CASP8: variants seen among roughly 807,000 people sequenced by gnomAD.
CASP8 encodes caspase-8.
A neutral mutation model predicts 46.3 loss-of-function variants in CASP8; 24 were observed. The ratio of observed to expected loss-of-function variants is 0.52; its 90% confidence interval spans 0.38 to 0.73. The LOEUF (loss-of-function observed/expected upper bound fraction) is 0.73, where lower values mean the gene tolerates loss of function less well. CASP8 is among the 30% of genes least tolerant of loss of function. The pLI, the probability that CASP8 is intolerant of heterozygous loss-of-function variation, is 0.00. For synonymous variants in CASP8, 188 were observed against 200.4 expected (o/e 0.94, Z 0.52); for missense variants, 460 against 559.0 (o/e 0.82, Z 1.79).
chr2:201,286,772 C>A lies in CASP8; in HGVS notation c.*178C>A. On this transcript the variant is annotated 3_prime_UTR_variant, in exon 9 of 9. Transcript: ENST00000673742. ...CTGGGACTACAGGGGCCCGCCACCA[C>A]ACCTGGCTAATTTTTTAAAAATATT... 1 of 534,740 alleles carries A rather than the reference C, an allele frequency of 1.9e-6. No homozygotes were observed. The highest frequency in any genetic ancestry group is 3.4e-6 in the Non-Finnish European group (1 of 296,584). 33.1% of individuals were successfully genotyped at this position (534,740 alleles called of 1,614,324 possible). A position where few individuals can be genotyped will look rare whatever the true frequency, so the allele number is the denominator to read the frequency against.
intron 2 of CASP8, among the ~76,000 whole-genome samples, chr2:201,243,122 A>C (rs1946371892): frequency 6.6e-6 from 1 of 152,176 alleles, no homozygotes; most frequent in Non-Finnish European, 1.5e-5. Context: ...GTTTTAGTTA[A>C]GCAAGATGAG....
chr2:201,259,449 TAC>T (rs1947231790), upstream of CASP8, among the ~76,000 whole-genome samples: 1 of 152,196 alleles, frequency 6.6e-6, no homozygotes, highest in Non-Finnish European at 1.5e-5. Flanking sequence ...GTGCTAGGAT[TAC>T]ATGCATGAGC....
Position 201,271,955 on chromosome 2 carries a change from C to G in CASP8, c.411+334C>G, listed in dbSNP as rs1043261553. 3.9e-5 allele frequency among the ~76,000 whole-genome samples: 6 copies of G among 152,220 alleles called. No homozygotes were observed. In the East Asian group the frequency reaches 9.6e-4, roughly 24 times the overall value. On this transcript the variant is annotated intron_variant, in intron 3 of 8. Coordinates refer to ENST00000673742, the MANE Select transcript of CASP8 (RefSeq NM_001372051.1). ...CCGAAACAACCTGGGACCTGAAACT[C>G]TGTGTGTATATTGTGTCTGTGTGTT...
chr2:201,285,741 C>T (rs1949528863), intron 8 of CASP8, among the ~76,000 whole-genome samples: 1 of 152,202 alleles, frequency 6.6e-6, no homozygotes, highest in East Asian at 1.9e-4. Context: ...AAGGCAGTAA[C>T]CCAATTCAAT....
At position 201,247,939 on chromosome 2, in the gene CASP8, C is replaced by A. The variant is rs144352072; in HGVS notation, c.-27+13827C>A. ...GATTACAGGCGTGAGCCACTGCGCC[C>A]GGCCAACTTTTGTATTTTTAGTAGA... On this transcript the variant is annotated intron_variant, in intron 2 of 6. Coordinates refer to the CASP8 transcript ENST00000264274. Among the ~76,000 whole-genome samples, 301 of 152,166 alleles carry A rather than the reference C, an allele frequency of 2.0e-3. 1 individual carries two copies. The highest frequency in any genetic ancestry group is 5.9e-3 in the African/African-American group (247 of 41,530).
At chr2:201,281,359 CT>C (rs376126759) in intron 7 of CASP8, among the ~76,000 whole-genome samples, 34 of 152,118 alleles carry the variant, frequency 2.2e-4, no homozygotes, top group African/African-American at 7.5e-4. Context: ...TCAACCAAAA[CT>C]TGTAAATAAT....
At chr2:201,247,793 C>T (rs528888621) in intron 2 of CASP8, among the ~76,000 whole-genome samples, 9 of 152,112 alleles carry the variant, frequency 5.9e-5, no homozygotes, top group South Asian at 2.1e-4. Flanking sequence ...TACAGGTGCC[C>T]GCCACCACAC....
chr2:201,276,926 C>T lies in CASP8; in HGVS notation c.760C>T (p.Leu254Phe), dbSNP rs766149222. ...FAKAREKVPK[L>F]HSIRDRNGTH... ...AAAAGCACGGGAGAAAGTGCCCAAA[C>T]TTCACAGCATTAGGGACAGGAATGG... The change falls in exon 7 of 9, where the codon CTT (leucine) becomes TTT (phenylalanine). Residue 254 changes from leucine (L) to phenylalanine (F), a missense_variant. Transcript: ENST00000673742. 5 of 1,614,012 alleles carry T rather than the reference C, an allele frequency of 3.1e-6. No homozygotes were observed. The South Asian group carries it at 5.5e-5, about 18-fold the overall frequency.
At chr2:201,244,506 A>G (rs927909639) in intron 2 of CASP8, among the ~76,000 whole-genome samples, 1 of 152,126 alleles carries the variant, frequency 6.6e-6, no homozygotes, top group Non-Finnish European at 1.5e-5. Flanking sequence ...TAAGGGTAGC[A>G]TCTTCCGACT....
chr2:201,286,946 G>T lies in CASP8; in HGVS notation c.*352G>T, dbSNP rs1249350221. On this transcript the variant is annotated 3_prime_UTR_variant, in exon 9 of 9. Coordinates refer to ENST00000673742, the MANE Select transcript of CASP8 (RefSeq NM_001372051.1). Reference sequence around the variant, plus strand: ...TGGTACTATTTAGATATAACACTATGTTTATTTACTAATTTTCTAGATTTT... The same window carrying T: ...TGGTACTATTTAGATATAACACTATTTTTATTTACTAATTTTCTAGATTTT... 2.2e-5 allele frequency: 5 copies of T among 232,240 alleles called. No individual in the cohort carries two copies. The highest frequency in any genetic ancestry group is 1.1e-4 in the East Asian group (1 of 9,426). 14.4% of individuals were successfully genotyped at this position (232,240 alleles called of 1,614,324 possible).
chr2:201,246,272 GTGT>G (rs1286003428), intron 2 of CASP8, among the ~76,000 whole-genome samples: 2 of 152,128 alleles, frequency 1.3e-5, no homozygotes, highest in South Asian at 2.1e-4. Context: ...ACAAAACAGG[GTGT>G]TGTTCCTGCC....
chr2:201,274,994 T>G (rs372597885), intron 6 of CASP8, 41 bp downstream of exon 6: 12 of 1,382,996 alleles, frequency 8.7e-6, no homozygotes, highest in African/African-American at 1.4e-5. Context: ...ACATTACAGA[T>G]TCTAGTTATT....
Position 201,276,869 on chromosome 2 carries a change from T to C in CASP8, c.703T>C (p.Tyr235His). The change falls in exon 7 of 9, where the codon TAC (tyrosine) becomes CAC (histidine). Residue 235 changes from tyrosine to histidine, a missense_variant. Physicochemically the swap from Tyr to His is moderately conservative, Grantham distance 83 (BLOSUM62 2). Transcript: ENST00000673742. ...VYQMKSKPRG[Y>H]CLIINNHNFA... ...CCAAATGAAAAGCAAACCTCGGGGATACTGTCTGATCATCAACAATCACAA... is the reference window on the plus strand; with the variant it reads ...CCAAATGAAAAGCAAACCTCGGGGACACTGTCTGATCATCAACAATCACAA... The C allele has an allele frequency of 6.2e-7, 1 of 1,614,130 alleles. No homozygotes were observed. Among genetic ancestry groups the C allele is most frequent in the Non-Finnish European group, 8.5e-7 (1 of 1,179,976 alleles).
At chr2:201,274,790 T>TA in intron 5 of CASP8, 99 bp from the exon 6 acceptor site, 1 of 990,066 alleles carries the variant, frequency 1.0e-6, no homozygotes, top group South Asian at 1.4e-5. Context: ...ATTTTCATCT[T>TA]AAAAAAGACC....
chr2:201,240,005 T>G (rs1946236449), intron 2 of CASP8, among the ~76,000 whole-genome samples: 1 of 152,164 alleles, frequency 6.6e-6, no homozygotes, highest in Non-Finnish European at 1.5e-5. Context: ...GTGCCCCTTT[T>G]CCCCTCAAAT....
chr2:201,260,557 A>ACGTT lies in CASP8; in HGVS notation c.-83_-82insCGTT. On this transcript the variant is annotated 5_prime_UTR_variant, in exon 1 of 9. The change abolishes an upstream ATG in the 5' untranslated region. Transcript: ENST00000673742. ...CATTAGACGTTTGCTCTTGTCTTAG[A>ACGTT]TGCTCAGATGGTAGTGGATAGGCCT... 1.0e-6 allele frequency: 1 copy of ACGTT among 985,426 alleles called. No individual in the cohort carries two copies. The highest frequency in any genetic ancestry group is 1.2e-6 in the Non-Finnish European group (1 of 829,932). The allele number at this position is 985,426 out of a possible 1,614,324, so 61.0% of individuals were successfully genotyped here. A position where few individuals can be genotyped will look rare whatever the true frequency, so the allele number is the denominator to read the frequency against.
At chr2:201,276,040 A>T in intron 6 of CASP8, among the ~76,000 whole-genome samples, 1 of 152,222 alleles carries the variant, frequency 6.6e-6, no homozygotes, top group East Asian at 1.9e-4. Flanking sequence ...GCCCAAAGTC[A>T]TAAGGTGAAG....
chr2:201,252,948 G>C (rs1576244684), intron 2 of CASP8, among the ~76,000 whole-genome samples: 1 of 152,204 alleles, frequency 6.6e-6, no homozygotes, highest in East Asian at 1.9e-4. Flanking sequence ...AAACCTAATG[G>C]AGAAAATATC....
At chr2:201,273,354 C>T (rs530737687) in intron 5 of CASP8, among the ~76,000 whole-genome samples, 2 of 152,190 alleles carry the variant, frequency 1.3e-5, no homozygotes, top group Non-Finnish European at 2.9e-5. Flanking sequence ...CCACTGCGCC[C>T]GGCCGCACCT....
Sources: allele counts gnomAD v4.1 joint callset (sites outside exome capture counted in the v4.1 genomes callset), GRCh38; gene constraint gnomAD v4.1.1; transcripts MANE v1.5; gene names NCBI Gene and HGNC (gene_info 2026-07-23, HGNC 2026-07-21).